TNNI3K: variants seen among roughly 807,000 people sequenced by gnomAD.
TNNI3K encodes serine/threonine-protein kinase TNNI3K.
A neutral mutation model predicts 114.5 loss-of-function variants in TNNI3K; 140 were observed. The ratio of observed to expected loss-of-function variants is 1.22; its 90% CI spans 1.07 to 1.41. TNNI3K has a LOEUF of 1.41. Among genes scored for constraint, TNNI3K ranks in the 40% most tolerant of loss-of-function variants. The probability of loss-of-function intolerance (pLI) is 0.00; values close to 1 mark genes in which losing one functional copy is unlikely to be tolerated. For synonymous variants in TNNI3K, 347 were observed against 347.5 expected (o/e 1.00, Z 0.02); for missense variants, 1,125 against 1,007.6 (o/e 1.12, Z -1.58).
intron 17 of TNNI3K, among the ~76,000 whole-genome samples, chr1:74,391,421 C>T (rs1009857084): frequency 7.3e-5 from 11 of 151,608 alleles, no homozygotes; most frequent in Non-Finnish European, 7.4e-5. Flanking sequence ...TTTGTTTGTT[C>T]GTTTAGGTAG....
chr1:74,388,403 A>G (rs1408952055), intron 17 of TNNI3K, among the ~76,000 whole-genome samples: 1 of 152,240 alleles, frequency 6.6e-6, no homozygotes, highest in Non-Finnish European at 1.5e-5. Flanking sequence ...AAACAGTGGA[A>G]AAGGAGGAGG....
At chr1:74,344,118 A>C (rs1238015441) in intron 9 of TNNI3K, among the ~76,000 whole-genome samples, 1 of 152,156 alleles carries the variant, frequency 6.6e-6, no homozygotes, top group Non-Finnish European at 1.5e-5. Flanking sequence ...TTTCTTACCA[A>C]ACTAAAATTA....
chr1:74,401,931 G>T (rs768281380), intron 17 of TNNI3K: 1 of 448,660 alleles, frequency 2.2e-6, no homozygotes, highest in Non-Finnish European at 4.5e-6. Context: ...AATTTCAGGT[G>T]TATGCTTACT....
chr1:74,280,586 A>G (rs1221001467), intron 5 of TNNI3K, among the ~76,000 whole-genome samples: 1 of 152,114 alleles, frequency 6.6e-6, no homozygotes, highest in East Asian at 1.9e-4. Context: ...TCATAGTGAA[A>G]AACAATACAG....
At chr1:74,418,445 CAGT>C (rs1418132230) in intron 17 of TNNI3K, 1 of 158,482 alleles carries the variant, frequency 6.3e-6, no homozygotes, top group African/African-American at 2.4e-5. Flanking sequence ...TTAGAGTTCT[CAGT>C]AGTAATTTTA....
chr1:74,385,771 T>A (rs1041329287), intron 17 of TNNI3K, among the ~76,000 whole-genome samples: 1 of 152,214 alleles, frequency 6.6e-6, no homozygotes, highest in African/African-American at 2.4e-5. Context: ...GTGCACTTAC[T>A]TTCTATTCTT....
intron 5 of TNNI3K, among the ~76,000 whole-genome samples, chr1:74,278,157 T>A (rs1656795028): frequency 1.3e-5 from 2 of 152,192 alleles, no homozygotes. Context: ...TTTAATTTTT[T>A]AGAGAGAGGG....
intron 24 of TNNI3K, among the ~76,000 whole-genome samples, chr1:74,543,413 GTT>G (rs1454455969): frequency 6.6e-6 from 1 of 152,002 alleles, no homozygotes; most frequent in Non-Finnish European, 1.5e-5. Flanking sequence ...GCCATCTTTT[GTT>G]TAGCATTCAC....
At chr1:74,348,328 G>T (rs1661135705) in intron 9 of TNNI3K, among the ~76,000 whole-genome samples, 1 of 152,288 alleles carries the variant, frequency 6.6e-6, no homozygotes, top group African/African-American at 2.4e-5. Flanking sequence ...CATTATTTCT[G>T]AGGGCTCTGT....
At chr1:74,485,735 C>T (rs181938873) in intron 21 of TNNI3K, among the ~76,000 whole-genome samples, 4 of 152,126 alleles carry the variant, frequency 2.6e-5, no homozygotes, top group Admixed American at 6.6e-5. Context: ...GTGCCCTTGC[C>T]GGTTAGGAAA....
intron 21 of TNNI3K, among the ~76,000 whole-genome samples, chr1:74,484,131 AC>A (rs1454060057): frequency 6.6e-6 from 1 of 151,654 alleles, no homozygotes; most frequent in East Asian, 1.9e-4. Context: ...AGCTTTCTCA[AC>A]CCCCCAGTGA....
chr1:74,290,853 T>C (rs1054053571), intron 5 of TNNI3K, among the ~76,000 whole-genome samples: 1 of 151,788 alleles, frequency 6.6e-6, no homozygotes, highest in Admixed American at 6.6e-5. Context: ...GTGGATATTC[T>C]CCTAGGTTGT....
chr1:74,383,291 GA>G (rs200622161), intron 17 of TNNI3K, among the ~76,000 whole-genome samples: 21 of 151,532 alleles, frequency 1.4e-4, no homozygotes, highest in Admixed American at 7.2e-4. Context: ...TGCTAGAGAG[GA>G]AAAAAAATAG....
chr1:74,378,597 T>TATATATAC (rs1663029422), intron 17 of TNNI3K: 1 of 30,110 alleles, frequency 3.3e-5, no homozygotes, highest in Non-Finnish European at 6.1e-5. Flanking sequence ...TTTAATTTTA[T>TATATATAC]ATATATATAT....
Position 74,239,879 on chromosome 1 carries a change from G to C in TNNI3K, c.149+3669G>C, listed in dbSNP as rs149986178. Reference sequence around the variant, plus strand: ...GAATGGGAGCTTGATGTGGGAGAGAGGGGAAATGGAAATGGAATGTTCTTT... The same window carrying C: ...GAATGGGAGCTTGATGTGGGAGAGACGGGAAATGGAAATGGAATGTTCTTT... On this transcript the variant is annotated intron_variant, in intron 2 of 24. Coordinates refer to ENST00000326637, the MANE Select transcript of TNNI3K (RefSeq NM_015978.3). 682 of 459,106 alleles carry C rather than the reference G, an allele frequency of 1.5e-3. 6 individuals carry two copies. The highest frequency in any genetic ancestry group is 0.012 in the African/African-American group (622 of 49,836). 28.4% of individuals were successfully genotyped at this position (459,106 alleles called of 1,614,324 possible). A position where few individuals can be genotyped will look rare whatever the true frequency, so the allele number is the denominator to read the frequency against.
chr1:74,253,871 G>A (rs551574411), intron 4 of TNNI3K, among the ~76,000 whole-genome samples: 8 of 152,268 alleles, frequency 5.3e-5, no homozygotes, highest in Admixed American at 2.6e-4. Context: ...CACCAAGAGC[G>A]AGCGAGGGCT....
chr1:74,352,250 C>G (rs1002400376), intron 9 of TNNI3K, among the ~76,000 whole-genome samples: 8 of 152,170 alleles, frequency 5.3e-5, no homozygotes, highest in African/African-American at 1.7e-4. Context: ...CCCTGTTTGC[C>G]TGGGTATCAG....
At chr1:74,483,429 T>A (rs2100267814) in intron 21 of TNNI3K, 1 of 700,960 alleles carries the variant, frequency 1.4e-6, no homozygotes, top group South Asian at 1.5e-5. Flanking sequence ...TCACTGTCCA[T>A]TATTTCTGTA....
At chr1:74,348,582 C>T (rs1315067922) in intron 9 of TNNI3K, among the ~76,000 whole-genome samples, 1 of 152,132 alleles carries the variant, frequency 6.6e-6, no homozygotes, top group Non-Finnish European at 1.5e-5. Context: ...TATAAATTAC[C>T]TTGGGCAGTA....
Sources: allele counts gnomAD v4.1 joint callset (sites outside exome capture counted in the v4.1 genomes callset), GRCh38; gene constraint gnomAD v4.1.1; transcripts MANE v1.5; gene names NCBI Gene and HGNC (gene_info 2026-07-23, HGNC 2026-07-21).